CECR2: variants seen among roughly 807,000 people sequenced by gnomAD.
CECR2 encodes CECR2 histone acetyl-lysine reader.
Under a neutral mutation model 154.5 loss-of-function variants are expected in CECR2, and 30 were observed. That is an observed-to-expected ratio of 0.19 (90% confidence interval 0.15 to 0.26). The LOEUF is 0.26. Among genes scored for constraint, CECR2 ranks in the 10% least tolerant of loss-of-function variants. CECR2 has a pLI of 1.00. For synonymous variants in CECR2, 725 were observed against 683.7 expected, an observed-to-expected ratio of 1.06 and a Z score of -0.94; for missense variants, 1,743 against 1,829.3, an observed-to-expected ratio of 0.95 and a Z score of 0.86.
rs1179674257 is a variant in CECR2, at chr22:17,548,866, C to T, written c.3579C>T (p.Ser1193=). 1 of 1,613,342 alleles carries T rather than the reference C, an allele frequency of 6.2e-7. No individual in the cohort carries two copies. The change falls in exon 17 of 19, where the codon TCC becomes TCT. Residue 1193 remains serine (S), a synonymous_variant. Transcript: ENST00000262608. ...RYSYHPPPQP[S]YHHYQRTPYY... is the part of the protein sequence containing the mutation. ...CCTACCACCCACCGCCACAGCCTTC[C>T]TACCACCACTATCAGCGAACTCCTT... is the stretch of plus-strand genomic sequence containing the variant.
In CECR2 at chr22:17,545,081, A is replaced by G. The variant is rs2056590222; in HGVS notation, c.2860+2078A>G. 2.0e-5 allele frequency among the ~76,000 whole-genome samples: 3 copies of G among 152,108 alleles called. No homozygotes were observed. In the South Asian group the frequency reaches 6.2e-4, roughly 32 times the overall value. On this transcript the variant is annotated intron_variant, in intron 16 of 18. Coordinates refer to ENST00000262608, the MANE Select transcript of CECR2 (RefSeq NM_001290047.2). ...AGCAAATCTTGAAGCAGTTTCTTAG[A>G]AATACCATTTAGGCCAGGCGCAGTG...
intron 1 of CECR2, among the ~76,000 whole-genome samples, chr22:17,370,671 G>A (rs1040516422): frequency 9.9e-5 from 15 of 152,168 alleles, no homozygotes; most frequent in Non-Finnish European, 1.9e-4. Flanking sequence ...CAGGCCGGAG[G>A]TGTTTTCCAG....
At chr22:17,482,081 C>T (rs1228744255) in intron 2 of CECR2, among the ~76,000 whole-genome samples, 3 of 137,692 alleles carry the variant, frequency 2.2e-5, no homozygotes, top group Non-Finnish European at 4.6e-5. Context: ...CGCCACTGCT[C>T]TCCAGCCTGG....
chr22:17,455,355 A>AT (rs2054836781), intron 1 of CECR2, among the ~76,000 whole-genome samples: 1 of 152,188 alleles, frequency 6.6e-6, no homozygotes, highest in African/African-American at 2.4e-5. Flanking sequence ...TCCTAATTAG[A>AT]TGGGGAGGAA....
chr22:17,366,329 AG>A (rs2063001729), upstream of CECR2, among the ~76,000 whole-genome samples: 1 of 152,136 alleles, frequency 6.6e-6, no homozygotes, highest in Admixed American at 6.6e-5. Context: ...CTGGGAGTAC[AG>A]GGGCGTGCCA....
At chr22:17,360,995 T>C (rs2062974020) in intron 1 of CECR2, among the ~76,000 whole-genome samples, 1 of 151,710 alleles carries the variant, frequency 6.6e-6, no homozygotes. Flanking sequence ...AAACCCCATC[T>C]CTACAAAAAA....
intron 1 of CECR2, among the ~76,000 whole-genome samples, chr22:17,458,769 CAG>C (rs886436792): frequency 2.0e-4 from 30 of 152,258 alleles, no homozygotes; most frequent in East Asian, 5.8e-4. Flanking sequence ...GATTTAAAAA[CAG>C]AGAGTACTTT....
At chr22:17,488,327 G>T (rs908248050) in intron 2 of CECR2, among the ~76,000 whole-genome samples, 2 of 152,126 alleles carry the variant, frequency 1.3e-5, no homozygotes, top group African/African-American at 4.8e-5. Flanking sequence ...TGTTAAGTAC[G>T]TTCATCGTGT....
intron 1 of CECR2, among the ~76,000 whole-genome samples, chr22:17,459,797 T>C (rs576262432): frequency 6.6e-6 from 1 of 152,210 alleles, no homozygotes; most frequent in Non-Finnish European, 1.5e-5. Context: ...GAAACCTGGC[T>C]TTTCACATGG....
intron 1 of CECR2, chr22:17,418,988 G>C (rs545472066): frequency 1.1e-5 from 2 of 190,014 alleles, no homozygotes; most frequent in African/African-American, 4.7e-5. Context: ...CGCCTCAGGG[G>C]ACACTGCTCG....
chr22:17,548,060 T>G (rs1222749177), intron 16 of CECR2, 88 bp from the exon 17 acceptor site: 188 of 1,253,786 alleles, frequency 1.5e-4, no homozygotes, highest in Non-Finnish European at 2.0e-4. Flanking sequence ...CACATCCACC[T>G]TAATCTGACT....
chr22:17,398,819 A>T lies in CECR2; in HGVS notation c.126+28910A>T, dbSNP rs146836241. ...AGGATGGTTAATACAGAATTATCTC[A>T]TTTGGTAGTTACATTACAAAACAAT... On this transcript the variant is annotated intron_variant, in intron 1 of 18. Coordinates refer to ENST00000262608, the MANE Select transcript of CECR2 (RefSeq NM_001290047.2). Among the ~76,000 whole-genome samples, 13 of 152,338 alleles carry T rather than the reference A, an allele frequency of 8.5e-5. No individual in the cohort carries two copies. The East Asian group carries it at 2.3e-3, about 27-fold the overall frequency.
chr22:17,439,275 C>G (rs144157620), intron 1 of CECR2, among the ~76,000 whole-genome samples: 150,650 of 151,976 alleles, frequency 0.99, 74,678 homozygotes, highest in East Asian at 1. Context: ...AATTTCTGTT[C>G]CAGTTACCAA....
At chr22:17,516,783 G>C (rs2146941747) in intron 8 of CECR2, among the ~76,000 whole-genome samples, 1 of 151,564 alleles carries the variant, frequency 6.6e-6, no homozygotes, top group South Asian at 2.1e-4. Flanking sequence ...TAGTAGAGAT[G>C]GGGTTTCTCC....
intron 9 of CECR2, among the ~76,000 whole-genome samples, chr22:17,532,700 CTTTTTTTTTTTTTTTTTTTTTTT>C (rs695634): frequency 2.8e-5 from 1 of 35,770 alleles, no homozygotes; most frequent in African/African-American, 1.2e-4. Flanking sequence ...CATTATTATT[CTTTTTTTTTTTTTTTTTTTTTTT>C]TTTTTTTTTT....
At position 17,557,843 on chromosome 22, in the gene CECR2, G is replaced by T. The variant is rs1470481156; in HGVS notation, c.*5003G>T. 6.6e-6 allele frequency: 1 copy of T among 152,194 alleles called. No homozygotes were observed. The highest frequency in any genetic ancestry group is 1.5e-5 in the Non-Finnish European group (1 of 68,072). 9.4% of individuals were successfully genotyped at this position (152,194 alleles called of 1,614,324 possible). ...TGCGTAGCTCCTGGGGCCCCGGTCA[G>T]TCCCCAGCAGCCTTGGCACACAGTG... On this transcript the variant is annotated 3_prime_UTR_variant, in exon 19 of 19. Transcript: ENST00000262608.
At chr22:17,449,310 T>C (rs1335018181) in intron 1 of CECR2, among the ~76,000 whole-genome samples, 1 of 152,022 alleles carries the variant, frequency 6.6e-6, no homozygotes, top group Non-Finnish European at 1.5e-5. Context: ...TACTGGATGC[T>C]GTCACCTGTT....
intron 2 of CECR2, among the ~76,000 whole-genome samples, chr22:17,492,185 G>A (rs983258245): frequency 1.3e-5 from 2 of 152,178 alleles, no homozygotes; most frequent in African/African-American, 4.8e-5. Flanking sequence ...TAGCAAATGG[G>A]AGAATGCAAT....
At chr22:17,519,429 T>G (rs909299578) in intron 8 of CECR2, among the ~76,000 whole-genome samples, 3 of 151,862 alleles carry the variant, frequency 2.0e-5, no homozygotes, top group Admixed American at 1.3e-4. Context: ...CCAGCTAATT[T>G]TTTGTATTGT....
Sources: gnomAD v4.1 joint callset for allele counts (sites outside exome capture counted in the v4.1 genomes callset) on GRCh38, gnomAD v4.1.1 for gene constraint, MANE v1.5 for transcripts, NCBI Gene and HGNC (gene_info 2026-07-23, HGNC 2026-07-21) for gene names.